The following DGKB variants were observed in gnomAD, a reference collection of about 807,000 sequenced individuals.
DGKB encodes the protein diacylglycerol kinase beta.
A neutral mutation model predicts 114.3 loss-of-function variants in DGKB; 67 were observed. The observed-to-expected ratio is 0.59, with a 90% CI of 0.48 to 0.72. The LOEUF (loss-of-function observed/expected upper bound fraction) is 0.72. Ranked by LOEUF, DGKB falls within the 30% of genes least tolerant of loss-of-function variation. The pLI is 0.00. For synonymous variants in DGKB, 398 were observed against 323.1 expected (o/e 1.23, Z -2.49); for missense variants, 907 against 975.2 (o/e 0.93, Z 0.93).
intron 1 of DGKB, among the ~76,000 whole-genome samples, chr7:14,859,794 C>A (rs1850709277): frequency 6.6e-6 from 1 of 152,046 alleles, no homozygotes. Flanking sequence ...ATGCAAATAT[C>A]TGAAATGCAT....
In DGKB at chr7:14,783,830, G is replaced by T. The variant is rs529150751; in HGVS notation, c.71-26099C>A. The stretch of plus-strand genomic sequence containing the variant: ...CTTTCCTGATGGCTTCTAAAGTAGA[G>T]AATGAAAGAGATGGGATCTTTTTCA... On this transcript the variant is annotated intron_variant, in intron 2 of 25. Coordinates refer to ENST00000402815, the MANE Select transcript of DGKB (RefSeq NM_001350709.2). 5.0e-4 allele frequency among the ~76,000 whole-genome samples: 76 copies of T among 152,276 alleles called. 1 individual carries two copies. Among genetic ancestry groups the T allele is most frequent in the Admixed American group, 4.4e-3 (67 of 15,288 alleles).
chr7:14,421,815 T>C (rs1826757754), intron 21 of DGKB, among the ~76,000 whole-genome samples: 1 of 152,076 alleles, frequency 6.6e-6, no homozygotes, highest in African/African-American at 2.4e-5. Context: ...AAAGAAAATA[T>C]ACCTCTGGGA....
At chr7:14,517,079 A>T (rs970485380) in intron 20 of DGKB, among the ~76,000 whole-genome samples, 1 of 152,160 alleles carries the variant, frequency 6.6e-6, no homozygotes, top group Admixed American at 6.6e-5. Context: ...CAGTAACCCA[A>T]TCCGCATGGT....
intron 23 of DGKB, among the ~76,000 whole-genome samples, chr7:14,185,276 G>A (rs1045195142): frequency 3.9e-5 from 6 of 151,956 alleles, no homozygotes; most frequent in African/African-American, 7.3e-5. Context: ...TACAATAGCT[G>A]CAAAACAAAC....
intron 20 of DGKB, among the ~76,000 whole-genome samples, chr7:14,513,690 T>A (rs1169840372): frequency 1.3e-5 from 2 of 152,030 alleles, no homozygotes; most frequent in Non-Finnish European, 2.9e-5. Flanking sequence ...CAATATTTTA[T>A]TACTAGATTG....
intron 1 of DGKB, among the ~76,000 whole-genome samples, chr7:14,974,519 C>G (rs1262835050): frequency 1.3e-5 from 2 of 152,048 alleles, no homozygotes; most frequent in Non-Finnish European, 2.9e-5. Context: ...CAAAACTCAC[C>G]TATCTAGACT....
intron 1 of DGKB, among the ~76,000 whole-genome samples, chr7:14,913,696 G>A (rs1352354272): frequency 2.6e-5 from 4 of 151,990 alleles, no homozygotes; most frequent in Non-Finnish European, 5.9e-5. Flanking sequence ...TTGACATTTG[G>A]GAAGAATTTT....
At chr7:14,892,308 T>C (rs1236133303) in intron 1 of DGKB, among the ~76,000 whole-genome samples, 1 of 151,132 alleles carries the variant, frequency 6.6e-6, no homozygotes, top group African/African-American at 2.4e-5. Context: ...GATTAAGGGA[T>C]TTCTGCCAAG....
In DGKB at chr7:14,262,271, C is replaced by G. The variant is rs117172601; in HGVS notation, c.2122+76244G>C. 1.4e-3 allele frequency among the ~76,000 whole-genome samples: 210 copies of G among 152,254 alleles called. 4 individuals are homozygous for G. In the East Asian group the frequency reaches 0.035, roughly 25 times the overall value. On this transcript the variant is annotated intron_variant, in intron 23 of 25. Transcript: ENST00000402815. ...GGTACTGTGGTTTGAATGTTTATGT[C>G]CCCTCAAAATTCATATGTTAAATGT...
At chr7:14,204,308 T>G (rs1011572000) in intron 23 of DGKB, among the ~76,000 whole-genome samples, 1 of 151,996 alleles carries the variant, frequency 6.6e-6, no homozygotes, top group Non-Finnish European at 1.5e-5. Flanking sequence ...GCCTTATATA[T>G]GTACCCATGT....
chr7:14,538,760 G>C (rs1792947049), intron 20 of DGKB, among the ~76,000 whole-genome samples: 1 of 152,100 alleles, frequency 6.6e-6, no homozygotes, highest in Non-Finnish European at 1.5e-5. Context: ...AATGGATAAA[G>C]AAAATTTGGC....
intron 21 of DGKB, among the ~76,000 whole-genome samples, chr7:14,474,398 C>T (rs112049770): frequency 4.6e-3 from 697 of 152,286 alleles, no homozygotes; most frequent in Non-Finnish European, 7.4e-3. Context: ...ATAAACCTTT[C>T]TTTTGTAAAT....
At chr7:14,443,594 G>A (rs890342308) in intron 21 of DGKB, among the ~76,000 whole-genome samples, 2 of 151,964 alleles carry the variant, frequency 1.3e-5, no homozygotes, top group African/African-American at 2.4e-5. Context: ...TTCTATTGTC[G>A]ATGTTGAATA....
intron 21 of DGKB, among the ~76,000 whole-genome samples, chr7:14,362,753 A>G (rs1420603361): frequency 6.6e-6 from 1 of 152,108 alleles, no homozygotes; most frequent in East Asian, 1.9e-4. Flanking sequence ...ATTATTTTGT[A>G]TTGTATTACA....
upstream of DGKB, among the ~76,000 whole-genome samples, chr7:14,907,218 T>C (rs544711108): frequency 6.6e-6 from 1 of 152,288 alleles, no homozygotes; most frequent in South Asian, 2.1e-4. Flanking sequence ...CCTTCAGATC[T>C]CTTTGGGTCC....
chr7:14,813,013 G>A (rs778508546), intron 2 of DGKB, among the ~76,000 whole-genome samples: 5 of 152,080 alleles, frequency 3.3e-5, no homozygotes, highest in Non-Finnish European at 5.9e-5. Flanking sequence ...TAAAAACAGT[G>A]AAGCAACAAA....
intron 1 of DGKB, among the ~76,000 whole-genome samples, chr7:14,890,182 C>T (rs1780964637): frequency 6.6e-6 from 1 of 151,426 alleles, no homozygotes; most frequent in Admixed American, 6.6e-5. Context: ...GACAAAATGA[C>T]TGAGTATATT....
intron 23 of DGKB, among the ~76,000 whole-genome samples, chr7:14,263,069 T>C (rs549897076): frequency 1.3e-5 from 2 of 152,174 alleles, no homozygotes; most frequent in South Asian, 2.1e-4. Context: ...AAGGGATTCA[T>C]TAAGAATTGG....
intron 2 of DGKB, among the ~76,000 whole-genome samples, chr7:14,836,736 A>G (rs960714713): frequency 6.6e-6 from 1 of 152,224 alleles, no homozygotes; most frequent in African/African-American, 2.4e-5. Context: ...TGAAACCCTA[A>G]ACCGGAGCAC....
Sources: allele counts gnomAD v4.1 joint callset (sites outside exome capture counted in the v4.1 genomes callset), GRCh38; gene constraint gnomAD v4.1.1; transcripts MANE v1.5; gene names NCBI Gene and HGNC (gene_info 2026-07-23, HGNC 2026-07-21).